Variants in HOXB6 observed in about 807,000 individuals in gnomAD.
The protein encoded by HOXB6 is homeobox protein Hox-B6.
Under a neutral mutation model 24.2 loss-of-function variants are expected in HOXB6, and 18 were observed. The observed-to-expected ratio is 0.74, with a 90% CI of 0.51 to 1.10. The LOEUF is 1.10. HOXB6 is among the 50% of genes least tolerant of loss of function. The pLI, the probability that HOXB6 is intolerant of heterozygous loss-of-function variation, is 0.00. For missense variants in HOXB6, 332 were observed against 308.3 expected (o/e 1.08, Z -0.58); for synonymous variants, 159 against 139.1 (o/e 1.14, Z -1.01).
Position 48,597,753 on chromosome 17 carries a change from C to T in HOXB6, c.398G>A (p.Arg133Gln), listed in dbSNP as rs1252846600. The T allele has an allele frequency of 3.7e-6, 6 of 1,612,926 alleles. No homozygotes were observed. The highest frequency in any genetic ancestry group is 4.2e-6 in the Non-Finnish European group (5 of 1,179,592). The change falls in exon 3 of 4, where the codon CGG (arginine) becomes CAG (glutamine). Residue 133 changes from arginine (R) to glutamine (Q), a missense_variant. Transcript: ENST00000225648. Reference protein sequence around the residue: ...CSTPVYPWMQRMNSCNSSSFG... With the variant: ...CSTPVYPWMQQMNSCNSSSFG... ...TCACTCACTGTTGCACGAATTCATC[C>T]GCTGCATCCACGGGTAGACCGGAGT...
At chr17:48,600,523 A>C (rs1239638905) in intron 2 of HOXB6, 1 of 455,648 alleles carries the variant, frequency 2.2e-6, no homozygotes, top group Non-Finnish European at 4.4e-6. Flanking sequence ...ATAGCGCCTC[A>C]TCGCTCTTAT....
intron 2 of HOXB6, chr17:48,600,417 A>G: frequency 2.2e-6 from 1 of 454,624 alleles, no homozygotes. Flanking sequence ...CTTTAGAGTC[A>G]CAGCCCCCAA....
intron 2 of HOXB6, chr17:48,603,979 C>G (rs1257631431): frequency 6.5e-6 from 1 of 152,728 alleles, no homozygotes; most frequent in Non-Finnish European, 1.5e-5. Context: ...CTATAGAAAC[C>G]AGGACGTCCC....
Position 48,596,344 on chromosome 17 carries a change from G to A in HOXB6, c.*69C>T, listed in dbSNP as rs1215336400. On this transcript the variant is annotated 3_prime_UTR_variant, in exon 4 of 4. Coordinates refer to ENST00000225648, the MANE Select transcript of HOXB6 (RefSeq NM_018952.5). This position sits in a 1 kb window ranked among gnomAD's most constrained non-coding sequence, Gnocchi z 4.8. ...CCCCCACCCGAGAGCCTTCCTTCCC[G>A]GGTCTCTCTGACGCCCTCGGCTCCC... is the stretch of plus-strand genomic sequence containing the variant. 3 of 1,608,460 alleles carry A rather than the reference G, an allele frequency of 1.9e-6. No individual in the cohort carries two copies. Among genetic ancestry groups the A allele is most frequent in the South Asian group, 1.1e-5 (1 of 90,762 alleles).
intron 2 of HOXB6, chr17:48,601,401 C>T (rs1218174468): frequency 6.6e-6 from 1 of 152,176 alleles, no homozygotes; most frequent in Non-Finnish European, 1.5e-5. Context: ...TAGTGCTGAA[C>T]CCACTCTCCC....
chr17:48,604,191 A>C (rs2070531571), intron 2 of HOXB6: 1 of 145,024 alleles, frequency 6.9e-6, no homozygotes, highest in Admixed American at 6.9e-5. Context: ...TCTCTTTCGC[A>C]CCCCCCTTGC....
At chr17:48,599,098 G>A (rs10853101) in intron 2 of HOXB6, among the ~76,000 whole-genome samples, 97,442 of 152,048 alleles carry the variant, frequency 0.64, 32,503 homozygotes, top group East Asian at 0.78. Context: ...CTGGGGAAAG[G>A]GACTAGCCCT....
At chr17:48,604,203 T>G (rs2070531992) in intron 2 of HOXB6, 1 of 149,850 alleles carries the variant, frequency 6.7e-6, no homozygotes, top group Non-Finnish European at 1.5e-5. Flanking sequence ...CCCCCTTGCT[T>G]GAGTCTCTCC....
At chr17:48,602,955 G>A (rs2070505072) in intron 2 of HOXB6, among the ~76,000 whole-genome samples, 1 of 152,234 alleles carries the variant, frequency 6.6e-6, no homozygotes, top group African/African-American at 2.4e-5. Context: ...CAGGCGCCCA[G>A]GCCGGGCCTG....
Position 48,596,559 on chromosome 17 carries a change from T to C in HOXB6, c.529A>G (p.Ile177Val). The change falls in exon 4 of 4, where the codon ATC (isoleucine) becomes GTC (valine). Residue 177 changes from isoleucine (I) to valine (V), a missense_variant. Coordinates refer to ENST00000225648, the MANE Select transcript of HOXB6 (RefSeq NM_018952.5). The surrounding 1 kb of genome is among the most constrained non-coding windows in gnomAD (Gnocchi z 4.8). Reference sequence around the variant, plus strand: ...AGGCACAGGGCGTGCGCGATCTCGATGCGCCGCCGCCGCGTCAGGTAGCGA... The same window carrying C: ...AGGCACAGGGCGTGCGCGATCTCGACGCGCCGCCGCCGCGTCAGGTAGCGA... ...YNRYLTRRRR[I>V]EIAHALCLTE... 1.9e-6 allele frequency: 3 copies of C among 1,614,252 alleles called. No individual in the cohort carries two copies. Among genetic ancestry groups the C allele is most frequent in the Non-Finnish European group, 2.5e-6 (3 of 1,180,052 alleles).
chr17:48,597,036 T>G, intron 3 of HOXB6: 1 of 1,156,892 alleles, frequency 8.6e-7, no homozygotes, highest in Non-Finnish European at 1.1e-6. Context: ...TCCAGGCCGT[T>G]AATCCGTAAT....
rs919453917 is a variant in HOXB6, at chr17:48,598,028, C to T, written c.123G>A (p.Ala41=). ...CCTGGCCCGGCCCTGGCCCGTAGGG[C>T]GCGGGGTAATGTCTCAGCGGGTCCG... The part of the protein sequence containing the change: ...GYADPLRHYP[A]PYGPGPGQDK... Residue 41 remains alanine (A), a synonymous_variant, in exon 3 of 4, where the codon GCG becomes GCA. Coordinates refer to ENST00000225648, the MANE Select transcript of HOXB6 (RefSeq NM_018952.5). 6 of 1,598,900 alleles carry T rather than the reference C, an allele frequency of 3.8e-6. No homozygotes were observed. Among genetic ancestry groups the T allele is most frequent in the Non-Finnish European group, 5.1e-6 (6 of 1,173,176 alleles).
rs2070270947 is a variant in HOXB6 at position 48,595,900 on chromosome 17, C to A, written c.*513G>T. 6.3e-6 allele frequency: 2 copies of A among 318,908 alleles called. No homozygotes were observed. Among genetic ancestry groups the A allele is most frequent in the Admixed American group, 8.9e-5 (2 of 22,592 alleles). The allele number at this position is 318,908 out of a possible 1,614,324, so 19.8% of individuals were successfully genotyped here. ...CACATAGAAAATTAATAAAATAGAA[C>A]TTTGTTTTCTTCTGAGGCTCCTCTT... On this transcript the variant is annotated 3_prime_UTR_variant, in exon 4 of 4. Transcript: ENST00000225648.
intron 2 of HOXB6, chr17:48,602,404 G>A (rs2070490292): frequency 2.7e-6 from 1 of 365,636 alleles, no homozygotes; most frequent in South Asian, 2.1e-5. Flanking sequence ...GATGGCGGTG[G>A]GGGTGTCGGC....
rs2070347553 is a variant in HOXB6 at position 48,597,802 on chromosome 17, C to T, written c.349G>A (p.Glu117Lys). The T allele has an allele frequency of 1.2e-6, 2 of 1,610,534 alleles. No homozygotes were observed. The highest frequency in any genetic ancestry group is 1.7e-6 in the Non-Finnish European group (2 of 1,178,428). The change falls in exon 3 of 4, where the codon GAG (glutamate) becomes AAG (lysine). Residue 117 changes from glutamate (E) to lysine (K), a missense_variant. Transcript: ENST00000225648. ...GTGGAGCACTTCTGCTCTTCTGTCTCGCCGAACACGCTCTTGTCCTGCGCG... is the reference window on the plus strand; with the variant it reads ...GTGGAGCACTTCTGCTCTTCTGTCTTGCCGAACACGCTCTTGTCCTGCGCG... Reference protein sequence around the residue: ...DCAQDKSVFGETEEQKCSTPV... With the variant: ...DCAQDKSVFGKTEEQKCSTPV...
In HOXB6 at chr17:48,598,117, C is replaced by T. The variant is rs780798894; in HGVS notation, c.34G>A (p.Val12Ile). Reference protein sequence around the residue: ...SSYFVNSTFPVTLASGQESFL... With the variant: ...SSYFVNSTFPITLASGQESFL... Reference sequence around the variant, plus strand: ...GACTCCTGCCCGCTGGCCAGAGTGACGGGGAAGGTGGAGTTCACGAAATAG... The same window carrying T: ...GACTCCTGCCCGCTGGCCAGAGTGATGGGGAAGGTGGAGTTCACGAAATAG... The change falls in exon 3 of 4, where the codon GTC (valine) becomes ATC (isoleucine). Residue 12 changes from valine (V) to isoleucine (I), a missense_variant. By Grantham distance (29) the Val-to-Ile change is conservative. Coordinates refer to ENST00000225648, the MANE Select transcript of HOXB6 (RefSeq NM_018952.5). 4.4e-6 allele frequency: 7 copies of T among 1,595,884 alleles called. No individual in the cohort carries two copies. The South Asian group carries it at 4.5e-5, about 10-fold the overall frequency.
At chr17:48,598,446 C>G (rs2070376936) in intron 2 of HOXB6, among the ~76,000 whole-genome samples, 1 of 151,770 alleles carries the variant, frequency 6.6e-6, no homozygotes, top group African/African-American at 2.4e-5. Flanking sequence ...CCTTTCTCCT[C>G]TCTCCCCCCA....
intron 2 of HOXB6, chr17:48,602,317 T>C (rs2070487905): frequency 2.3e-6 from 1 of 440,374 alleles, no homozygotes; most frequent in Non-Finnish European, 4.6e-6. Flanking sequence ...GAAAACCAAA[T>C]AAACCTTGAA....
At chr17:48,603,308 C>T (rs1005404515) in intron 2 of HOXB6, among the ~76,000 whole-genome samples, 1 of 152,168 alleles carries the variant, frequency 6.6e-6, no homozygotes, top group African/African-American at 2.4e-5. Context: ...TACTTCCACC[C>T]CACGAGCTAC....
Sources: allele counts gnomAD v4.1 joint callset (sites outside exome capture counted in the v4.1 genomes callset), GRCh38; gene constraint gnomAD v4.1.1; non-coding constraint Gnocchi (gnomAD v3.1); transcripts MANE v1.5; gene names NCBI Gene and HGNC (gene_info 2026-07-23, HGNC 2026-07-21).